The following SLCO3A1 variants were observed in gnomAD, a reference collection of about 807,000 sequenced individuals.
SLCO3A1 encodes the protein PGE1 transporter.
SLCO3A1 carries 27 observed loss-of-function variants against 63.1 expected under a neutral mutation model. That is an observed-to-expected ratio of 0.43 (90% CI 0.32 to 0.59). SLCO3A1 has a LOEUF of 0.59. Among genes scored for constraint, SLCO3A1 ranks in the 20% least tolerant of loss-of-function variants. SLCO3A1 has a pLI of 0.09. For synonymous variants in SLCO3A1, 473 were observed against 409.9 expected (o/e 1.15, Z -1.86); for missense variants, 773 against 945.8 (o/e 0.82, Z 2.40).
rs775325190 is a variant in SLCO3A1, at chr15:92,126,151, G to A, written c.1265G>A (p.Arg422Gln). Reference sequence around the variant, plus strand: ...AGCCTGTCTGCCCTGGGGGCCATTCGGATGGCCATGCTCGTCAACCTGGTG... The same window carrying A: ...AGCCTGTCTGCCCTGGGGGCCATTCAGATGGCCATGCTCGTCAACCTGGTG... ...KLSLSALGAI[R>Q]MAMLVNLVST... Residue 422 changes from arginine (R) to glutamine (Q), a missense_variant, in exon 6 of 10, where the codon CGG becomes CAG. This residue lies in a region of SLCO3A1 where 565 missense variants were observed against 749.8 expected (regional missense o/e 0.75). Transcript: ENST00000318445. 1.1e-5 allele frequency: 17 copies of A among 1,613,968 alleles called. No individual in the cohort carries two copies. The highest frequency in any genetic ancestry group is 3.3e-4 in the Middle Eastern group (2 of 6,062).
rs973076367 is a variant in SLCO3A1, at chr15:91,948,129, T to C, written c.646+31671T>C. On this transcript the variant is annotated intron_variant, in intron 2 of 9. Transcript: ENST00000318445. The surrounding 1 kb of genome is among the most constrained non-coding windows in gnomAD (Gnocchi z 4.8). ...TCAGCTTTCCACACCCTAATAAAAG[T>C]CTGAGCCAGAAAGTGGGTGGAAGCC... Among the ~76,000 whole-genome samples, 1 of 152,158 alleles carries C rather than the reference T, an allele frequency of 6.6e-6. No homozygotes were observed. Among genetic ancestry groups the C allele is most frequent in the Non-Finnish European group, 1.5e-5 (1 of 68,012 alleles).
At chr15:91,861,490 C>T (rs934439344) in intron 1 of SLCO3A1, among the ~76,000 whole-genome samples, 2 of 152,156 alleles carry the variant, frequency 1.3e-5, no homozygotes, top group Admixed American at 6.5e-5. Flanking sequence ...TCCCATATGA[C>T]TGGGCATTCC....
chr15:92,098,241 G>A (rs139993749), intron 3 of SLCO3A1: 4,180 of 152,510 alleles, frequency 0.027, 91 homozygotes, highest in Admixed American at 0.048. Context: ...ATGCAGCTGG[G>A]GTGCCAAGGA....
chr15:91,976,177 C>G (rs536851531), intron 2 of SLCO3A1, among the ~76,000 whole-genome samples: 385 of 152,176 alleles, frequency 2.5e-3, no homozygotes, highest in Non-Finnish European at 4.6e-3. Flanking sequence ...GATGAGGGTC[C>G]CAAACTGTAC....
At chr15:92,140,802 C>G (rs953103998) in intron 7 of SLCO3A1, among the ~76,000 whole-genome samples, 2 of 152,116 alleles carry the variant, frequency 1.3e-5, no homozygotes, top group African/African-American at 4.8e-5. Context: ...AGATTGCAAC[C>G]TCTGCCTTTT....
At chr15:92,145,711 A>C (rs1489168959) in intron 7 of SLCO3A1, among the ~76,000 whole-genome samples, 1 of 152,160 alleles carries the variant, frequency 6.6e-6, no homozygotes, top group East Asian at 1.9e-4. Context: ...GGGCCTCGGG[A>C]TCTTCTGGGA....
intron 2 of SLCO3A1, among the ~76,000 whole-genome samples, chr15:92,024,059 G>T (rs1049803490): frequency 2.6e-5 from 4 of 152,146 alleles, no homozygotes; most frequent in African/African-American, 9.7e-5. Context: ...CACCCACCAT[G>T]CCTGGGTGGC....
chr15:92,171,296 T>G (rs2048519854), intron 10 of SLCO3A1: 1 of 153,836 alleles, frequency 6.5e-6, no homozygotes, highest in Non-Finnish European at 1.4e-5. Context: ...TCAGCCAGCA[T>G]GCAGTGAATA....
chr15:92,093,169 A>C lies in SLCO3A1; in HGVS notation c.647-1712A>C, dbSNP rs2047497567. On this transcript the variant is annotated intron_variant, in intron 2 of 9. Transcript: ENST00000318445. ...ATAAAGAAATACCTGAGGCTGGGTA[A>C]TTTACAAAGAAAGGAGATTCGAGTG... Among the ~76,000 whole-genome samples the C allele has an allele frequency of 2.0e-5, 3 of 152,188 alleles. No individual in the cohort carries two copies. In the South Asian group the frequency reaches 6.2e-4, roughly 31 times the overall value.
At chr15:91,868,766 G>A (rs989844219) in intron 1 of SLCO3A1, among the ~76,000 whole-genome samples, 1 of 152,096 alleles carries the variant, frequency 6.6e-6, no homozygotes, top group African/African-American at 2.4e-5. Context: ...TACTCAGCCC[G>A]TGCCTCTCTG....
At chr15:92,124,101 G>GCAGTCATC (rs2047893795) in intron 5 of SLCO3A1, among the ~76,000 whole-genome samples, 1 of 152,164 alleles carries the variant, frequency 6.6e-6, no homozygotes, top group Non-Finnish European at 1.5e-5. Context: ...TGAGGCCCAG[G>GCAGTCATC]CAGTCATCCC....
intron 4 of SLCO3A1, among the ~76,000 whole-genome samples, chr15:92,116,093 A>G (rs1384728032): frequency 6.6e-6 from 1 of 152,052 alleles, no homozygotes; most frequent in East Asian, 1.9e-4. Context: ...TGCTCTAACC[A>G]TGGGACCTCT....
intron 2 of SLCO3A1, among the ~76,000 whole-genome samples, chr15:91,926,596 T>TGTGTGTGC: frequency 0.017 from 1,768 of 105,214 alleles, 25 homozygotes; most frequent in East Asian, 0.05. Context: ...TGTGTGTGTG[T>TGTGTGTGC]GCGCGCGCGC....
Position 92,164,194 on chromosome 15 carries a change from C to A in SLCO3A1, c.*1059C>A. ...GCTGGTTGCTTTTACTTTTTTTCTC[C>A]TTTTTTAATGCACCAAAAATATGTG... On this transcript the variant is annotated 3_prime_UTR_variant, in exon 10 of 10. Transcript: ENST00000318445. The A allele has an allele frequency of 1.0e-5, 10 of 984,858 alleles. No homozygotes were observed. The highest frequency in any genetic ancestry group is 1.2e-5 in the Non-Finnish European group (10 of 829,758). 61.0% of individuals were successfully genotyped at this position (984,858 alleles called of 1,614,324 possible).
At chr15:91,996,713 T>A (rs1378803976) in intron 2 of SLCO3A1, among the ~76,000 whole-genome samples, 1 of 152,142 alleles carries the variant, frequency 6.6e-6, no homozygotes, top group Non-Finnish European at 1.5e-5. Context: ...GACAGCTAAA[T>A]GAGAGCAACA....
chr15:91,965,431 T>C (rs1265881971), intron 2 of SLCO3A1, among the ~76,000 whole-genome samples: 1 of 152,198 alleles, frequency 6.6e-6, no homozygotes, highest in Non-Finnish European at 1.5e-5. Flanking sequence ...CAAATAAATA[T>C]CCTCCATTGT....
At chr15:91,902,627 G>C (rs919643066) in intron 1 of SLCO3A1, among the ~76,000 whole-genome samples, 1 of 152,058 alleles carries the variant, frequency 6.6e-6, no homozygotes, top group Non-Finnish European at 1.5e-5. Flanking sequence ...AAATGAATTA[G>C]TGCTCCTCAG....
intron 4 of SLCO3A1, among the ~76,000 whole-genome samples, chr15:92,108,563 C>T (rs1419180906): frequency 1.3e-5 from 2 of 152,320 alleles, no homozygotes; most frequent in African/African-American, 4.8e-5. Context: ...ACAGTATCAT[C>T]ATCAGATAGT....
intron 2 of SLCO3A1, among the ~76,000 whole-genome samples, chr15:92,019,658 T>C (rs945225535): frequency 6.6e-6 from 1 of 152,204 alleles, no homozygotes; most frequent in Admixed American, 6.5e-5. Flanking sequence ...AACCCTCCTC[T>C]TGAAGCCTAT....
Sources: gnomAD v4.1 joint callset for allele counts (sites outside exome capture counted in the v4.1 genomes callset) on GRCh38, gnomAD v4.1.1 for gene constraint, gnomAD v4.1.1 regional missense constraint, Gnocchi (gnomAD v3.1) non-coding constraint, MANE v1.5 for transcripts, NCBI Gene and HGNC (gene_info 2026-07-23, HGNC 2026-07-21) for gene names.